Variants in PDE1C observed in about 807,000 individuals in gnomAD.
PDE1C encodes phosphodiesterase 1C.
PDE1C carries 62 observed loss-of-function variants against 93.1 expected under a neutral mutation model. That is an observed-to-expected ratio of 0.67 (90% CI 0.54 to 0.82). The LOEUF is 0.82. Among genes scored for constraint, PDE1C ranks in the 40% least tolerant of loss-of-function variants. The pLI, the probability that PDE1C is intolerant of heterozygous loss-of-function variation, is 0.00. For missense variants in PDE1C, 742 were observed against 884.6 expected (o/e 0.84, Z 2.04); for synonymous variants, 325 against 310.1 (o/e 1.05, Z -0.50).
At chr7:31,642,220 G>A in the PDE1C span, 14 of 1,560,066 alleles carry the variant, frequency 9.0e-6, no homozygotes, top group African/African-American at 4.1e-5. Flanking sequence ...TGACAGCAGC[G>A]GGTTCCTGGA....
At chr7:31,880,949 A>G in intron 2 of PDE1C, 89 bp from the exon 3 acceptor site, 2 of 826,510 alleles carry the variant, frequency 2.4e-6, no homozygotes, top group Non-Finnish European at 4.1e-6. Context: ...CAGTCATCGA[A>G]TATTCTCACT....
chr7:31,634,853 G>A, the PDE1C span, among the ~76,000 whole-genome samples: 1 of 152,206 alleles, frequency 6.6e-6, no homozygotes, highest in Non-Finnish European at 1.5e-5. Context: ...CTGGAGCAGA[G>A]TAAGGAAGAA....
At chr7:32,285,376 T>C (rs1192635108) in intron 1 of PDE1C, among the ~76,000 whole-genome samples, 1 of 152,136 alleles carries the variant, frequency 6.6e-6, no homozygotes, top group Admixed American at 6.5e-5. Context: ...ACTTAAAACA[T>C]ATGTCCACAC....
the PDE1C span, among the ~76,000 whole-genome samples, chr7:31,633,567 A>G: frequency 6.6e-6 from 1 of 152,228 alleles, no homozygotes; most frequent in African/African-American, 2.4e-5. Flanking sequence ...TCTGGTCTGA[A>G]CAATTCACAC....
chr7:32,321,019 G>A (rs537832478), intron 1 of PDE1C, among the ~76,000 whole-genome samples: 17 of 152,318 alleles, frequency 1.1e-4, no homozygotes, highest in South Asian at 8.3e-4. Context: ...GGGAGAGAAC[G>A]AAGGTGAATC....
intron 1 of PDE1C, among the ~76,000 whole-genome samples, chr7:32,237,082 T>TC (rs1234437320): frequency 3.0e-5 from 4 of 134,206 alleles, no homozygotes; most frequent in Non-Finnish European, 6.4e-5. Context: ...CATGTAATAT[T>TC]CTTTTTTTTT....
At chr7:32,335,205 A>G (rs1317385030) in intron 1 of PDE1C, among the ~76,000 whole-genome samples, 2 of 152,200 alleles carry the variant, frequency 1.3e-5, no homozygotes, top group Non-Finnish European at 2.9e-5. Flanking sequence ...CTAAGGGGTC[A>G]ATGTGGAAAG....
At chr7:31,695,667 C>T in the PDE1C span, 2 of 1,555,794 alleles carry the variant, frequency 1.3e-6, no homozygotes, top group African/African-American at 1.4e-5. Context: ...GAGCCACTTG[C>T]CACTAGGTTG....
chr7:31,889,935 C>G (rs1798417725), intron 2 of PDE1C, among the ~76,000 whole-genome samples: 1 of 152,140 alleles, frequency 6.6e-6, no homozygotes, highest in Admixed American at 6.6e-5. Flanking sequence ...CAGTTTATCC[C>G]CTGTTTTTAT....
chr7:32,100,813 C>A (rs1245701718), intron 3 of PDE1C, among the ~76,000 whole-genome samples: 1 of 152,136 alleles, frequency 6.6e-6, no homozygotes, highest in East Asian at 1.9e-4. Context: ...CAACTGAAGG[C>A]CAGATGTGTT....
the PDE1C span, among the ~76,000 whole-genome samples, chr7:31,711,685 C>G: frequency 6.6e-6 from 1 of 152,164 alleles, no homozygotes; most frequent in South Asian, 2.1e-4. Flanking sequence ...TCATTATTCT[C>G]AATCCTACGT....
the PDE1C span, chr7:31,658,470 G>A: frequency 1.6e-6 from 2 of 1,288,304 alleles, no homozygotes; most frequent in African/African-American, 1.5e-5. Flanking sequence ...TTGTAAAGAG[G>A]TTAGAGTATC....
chr7:31,652,557 T>C, the PDE1C span: 4 of 1,609,308 alleles, frequency 2.5e-6, no homozygotes, highest in Non-Finnish European at 3.4e-6. Context: ...TGAACACTAT[T>C]CAAATCTGCA....
chr7:32,108,434 C>CAA (rs35372540), intron 3 of PDE1C, among the ~76,000 whole-genome samples: 2 of 34,808 alleles, frequency 5.7e-5, no homozygotes, highest in African/African-American at 2.1e-4. Flanking sequence ...GAAAAAAAAC[C>CAA]ACACACACAC....
At chr7:32,421,125 T>C (rs1361366385) in intron 1 of PDE1C, among the ~76,000 whole-genome samples, 1 of 152,074 alleles carries the variant, frequency 6.6e-6, no homozygotes, top group South Asian at 2.1e-4. Flanking sequence ...CTAGGTTGAA[T>C]AATTTGAGTA....
At chr7:32,284,018 A>G (rs1269009608) in intron 1 of PDE1C, among the ~76,000 whole-genome samples, 1 of 152,154 alleles carries the variant, frequency 6.6e-6, no homozygotes, top group African/African-American at 2.4e-5. Flanking sequence ...ACATTTATTA[A>G]CACCAACAAA....
chr7:31,720,770 T>C, the PDE1C span, among the ~76,000 whole-genome samples: 5 of 152,162 alleles, frequency 3.3e-5, no homozygotes, highest in African/African-American at 1.2e-4. Flanking sequence ...TTTGTTTTTT[T>C]CTCCATTTGG....
chr7:31,779,846 C>A (rs1277613323), intron 16 of PDE1C, among the ~76,000 whole-genome samples: 3 of 152,164 alleles, frequency 2.0e-5, no homozygotes, highest in Non-Finnish European at 4.4e-5. Context: ...ATACCCAACA[C>A]ATCTGAGTTT....
At chr7:32,273,507 G>A (rs1254393072) in intron 1 of PDE1C, among the ~76,000 whole-genome samples, 1 of 152,170 alleles carries the variant, frequency 6.6e-6, no homozygotes, top group East Asian at 1.9e-4. Flanking sequence ...TCACAGTAAG[G>A]GGAACTGGAA....
Sources: allele counts gnomAD v4.1 joint callset (sites outside exome capture counted in the v4.1 genomes callset), GRCh38; gene constraint gnomAD v4.1.1; transcripts MANE v1.5; gene names NCBI Gene and HGNC (gene_info 2026-07-23, HGNC 2026-07-21).